Variants in PCDH10 observed in about 807,000 individuals in gnomAD.
PCDH10 encodes protocadherin 10.
In PCDH10, 15 loss-of-function variants were observed where a neutral mutation model predicts 74.4. That is an observed-to-expected ratio of 0.20 (90% CI 0.13 to 0.31). PCDH10 has a LOEUF of 0.31. Ranked by LOEUF, PCDH10 falls within the 10% of genes least tolerant of loss-of-function variation. The pLI is 1.00. For synonymous variants in PCDH10, 619 were observed against 589.8 expected, an observed-to-expected ratio of 1.05 and a Z score of -0.72; for missense variants, 1,260 against 1,390.2, an observed-to-expected ratio of 0.91 and a Z score of 1.49.
At chr4:133,158,880 A>T (rs1335250751) in intron 3 of PCDH10, among the ~76,000 whole-genome samples, 3 of 152,106 alleles carry the variant, frequency 2.0e-5, no homozygotes, top group African/African-American at 7.2e-5. Context: ...AAGATGAAAT[A>T]TTGAGAGGAA....
rs1727665227 is a variant in PCDH10 at position 133,191,377 on chromosome 4, A to T, written c.*1217A>T. On this transcript the variant is annotated 3_prime_UTR_variant, in exon 5 of 5. Transcript: ENST00000264360. ...AACTGGTAAAGAATAACTATAAAAT[A>T]TGAAAGCTCTAAATTTAAAATAAAT... is the stretch of plus-strand genomic sequence containing the variant. The T allele has an allele frequency of 6.6e-6, 1 of 152,294 alleles. No individual in the cohort carries two copies. The highest frequency in any genetic ancestry group is 1.5e-5 in the Non-Finnish European group (1 of 67,824). The allele number at this position is 152,294 out of a possible 1,614,324, so 9.4% of individuals were successfully genotyped here.
intron 4 of PCDH10, among the ~76,000 whole-genome samples, chr4:133,169,129 A>T (rs1277316335): frequency 6.6e-6 from 1 of 151,672 alleles, no homozygotes; most frequent in African/African-American, 2.4e-5. Context: ...ATTACACCCC[A>T]TTCTTCCCCA....
At chr4:133,194,923 T>C (rs1727764234), downstream of PCDH10, among the ~76,000 whole-genome samples, 1 of 151,896 alleles carries the variant, frequency 6.6e-6, no homozygotes, top group Non-Finnish European at 1.5e-5. Context: ...CTTTTTAACT[T>C]TTTTTTGATG....
At chr4:133,190,062 T>C (rs1180323083) in intron 4 of PCDH10, 79 bp from the exon 5 acceptor site, 8 of 1,236,460 alleles carry the variant, frequency 6.5e-6, no homozygotes, top group African/African-American at 1.5e-5. Flanking sequence ...ACTGTATTCT[T>C]TCTTTTACAA....
Position 133,151,868 on chromosome 4 carries a change from G to T in PCDH10, c.1728G>T (p.Ala576=), listed in dbSNP as rs376228322. 5.6e-6 allele frequency: 9 copies of T among 1,613,056 alleles called. No individual in the cohort carries two copies. The highest frequency in any genetic ancestry group is 5.3e-5 in the African/African-American group (4 of 75,074). ...ATGACAACGCCCCTGCCATCGTGGCGCCTCTACCAGGGCGCAACGGGACTC... is the reference window on the plus strand; with the variant it reads ...ATGACAACGCCCCTGCCATCGTGGCTCCTCTACCAGGGCGCAACGGGACTC... ...DQNDNAPAIV[A]PLPGRNGTPA... Residue 576 remains alanine, a synonymous_variant, in exon 1 of 5, where the codon GCG becomes GCT. Coordinates refer to ENST00000264360, the MANE Select transcript of PCDH10 (RefSeq NM_032961.3).
chr4:133,156,128 A>G (rs1244752106), intron 3 of PCDH10, among the ~76,000 whole-genome samples: 2 of 152,118 alleles, frequency 1.3e-5, no homozygotes, highest in East Asian at 1.9e-4. Context: ...AGTCCTCGAG[A>G]GCACCCATTC....
intron 4 of PCDH10, among the ~76,000 whole-genome samples, chr4:133,171,839 G>C (rs544585137): frequency 6.6e-6 from 1 of 151,990 alleles, no homozygotes; most frequent in South Asian, 2.1e-4. Flanking sequence ...TGCCTTGTTA[G>C]TCACTAGTAG....
Position 133,152,954 on chromosome 4 carries a change from C to T in PCDH10, c.2631+183C>T, listed in dbSNP as rs1042475983. 9.0e-6 allele frequency: 13 copies of T among 1,451,476 alleles called. No homozygotes were observed. In the African/African-American group the frequency reaches 1.7e-4, roughly 19 times the overall value. 89.9% of individuals were successfully genotyped at this position (1,451,476 alleles called of 1,614,324 possible). A position where few individuals can be genotyped will look rare whatever the true frequency, so the allele number is the denominator to read the frequency against. On this transcript the variant is annotated intron_variant, in intron 1 of 4. Transcript: ENST00000264360. Reference sequence around the variant, plus strand: ...TCCTTCGTGTGTAACCTAACTTTCGCGTTGTTCCACCCTTTCACATTTATT... The same window carrying T: ...TCCTTCGTGTGTAACCTAACTTTCGTGTTGTTCCACCCTTTCACATTTATT...
intron 2 of PCDH10, among the ~76,000 whole-genome samples, chr4:133,202,370 G>A (rs1357978695): frequency 6.6e-6 from 1 of 152,128 alleles, no homozygotes; most frequent in Non-Finnish European, 1.5e-5. Context: ...CTAGCGGCTC[G>A]AGGTCTTGAG....
At chr4:133,178,196 A>T (rs1419425721) in intron 4 of PCDH10, among the ~76,000 whole-genome samples, 1 of 152,068 alleles carries the variant, frequency 6.6e-6, no homozygotes, top group Non-Finnish European at 1.5e-5. Flanking sequence ...TTATAGAGAC[A>T]GCACAAAAAG....
In PCDH10 at chr4:133,152,400, A is replaced by G; in HGVS notation, c.2260A>G (p.Ser754Gly). 6.2e-7 allele frequency: 1 copy of G among 1,614,198 alleles called. No individual in the cohort carries two copies. The highest frequency in any genetic ancestry group is 1.1e-5 in the South Asian group (1 of 91,078). The change falls in exon 1 of 5, where the codon AGC becomes GGC. Residue 754 changes from serine to glycine, a missense_variant. By Grantham distance (56) the Ser-to-Gly change is moderately conservative (BLOSUM62 0). Around this residue, in one of 11 missense-constraint regions of PCDH10, gnomAD observed 587 missense variants for 616.9 expected, o/e 0.95. Coordinates refer to ENST00000264360, the MANE Select transcript of PCDH10 (RefSeq NM_032961.3). ...KKLNIYTCLA[S>G]DCCLCCCCCG... ...GCTCAACATCTATACTTGTCTGGCC[A>G]GCGATTGCTGCCTCTGCTGCTGCTG...
chr4:133,184,264 T>A (rs1224214799), intron 4 of PCDH10, among the ~76,000 whole-genome samples: 1 of 152,128 alleles, frequency 6.6e-6, no homozygotes, highest in Non-Finnish European at 1.5e-5. Flanking sequence ...TAAAGAATTC[T>A]GTCTGATGAA....
intron 4 of PCDH10, among the ~76,000 whole-genome samples, chr4:133,186,350 T>A (rs2125872363): frequency 6.6e-6 from 1 of 152,278 alleles, no homozygotes. Context: ...CTATTACTTC[T>A]GATTTCATTT....
intron 4 of PCDH10, among the ~76,000 whole-genome samples, chr4:133,184,773 A>AATATATATATATAAATATATATATTTAT (rs34332814): frequency 7.3e-6 from 1 of 136,866 alleles, no homozygotes; most frequent in East Asian, 2.0e-4. Context: ...TAAATATATA[A>AATATATATATATAAATATATATATTTAT]ATATATATAT....
chr4:133,178,394 G>A (rs1161263905), intron 4 of PCDH10, among the ~76,000 whole-genome samples: 2 of 151,900 alleles, frequency 1.3e-5, no homozygotes, highest in East Asian at 2.0e-4. Flanking sequence ...GCACCACCAC[G>A]ACCGGCTAAT....
At position 133,163,136 on chromosome 4, in the gene PCDH10, T is replaced by C. The variant is rs752245361; in HGVS notation, c.2957T>C (p.Val986Ala). Residue 986 changes from valine (V) to alanine (A), a missense_variant, in exon 4 of 5, where the codon GTG becomes GCG. Val to Ala is a moderately conservative substitution (Grantham distance 64). Transcript: ENST00000264360. The part of the protein sequence containing the change: ...PGMDSVPDTE[V>A]FETPEAQPGA... ...ATGGACTCTGTTCCAGACACTGAGG[T>C]GTTTGAAACTCCAGAAGCCCAGCCT... 6 of 1,614,072 alleles carry C rather than the reference T, an allele frequency of 3.7e-6. No homozygotes were observed. In the East Asian group the frequency reaches 6.7e-5, roughly 18 times the overall value.
chr4:133,186,055 T>A (rs1171382357), intron 4 of PCDH10, among the ~76,000 whole-genome samples: 2 of 152,086 alleles, frequency 1.3e-5, no homozygotes, highest in Non-Finnish European at 2.9e-5. Context: ...TTTAATTTGT[T>A]TAAGTATTTA....
At position 133,190,355 on chromosome 4, in the gene PCDH10, G is replaced by T; in HGVS notation, c.*195G>T. ...AGGCCTGAGAAATGAGTTGAAATGT[G>T]CAGAACTGTAGAAACTTTAGAGGCA... On this transcript the variant is annotated 3_prime_UTR_variant, in exon 5 of 5. Transcript: ENST00000264360. 1 of 616,590 alleles carries T rather than the reference G, an allele frequency of 1.6e-6. No individual in the cohort carries two copies. The highest frequency in any genetic ancestry group is 2.1e-5 in the South Asian group (1 of 48,352). 38.2% of individuals were successfully genotyped at this position (616,590 alleles called of 1,614,324 possible). A position where few individuals can be genotyped will look rare whatever the true frequency, so the allele number is the denominator to read the frequency against.
In PCDH10 at chr4:133,154,909, A is replaced by T; in HGVS notation, c.2691-8A>T. 6.4e-7 allele frequency: 1 copy of T among 1,559,090 alleles called. No homozygotes were observed. On this transcript the variant is annotated splice_polypyrimidine_tract_variant and splice_region_variant and intron_variant, in intron 2 of 4. Coordinates refer to ENST00000264360, the MANE Select transcript of PCDH10 (RefSeq NM_032961.3). ...TTTATTCTAATATTCACATTTTTGT[A>T]CTTCTAGTTCTGCATTCCAGGAAGC...
Sources: gnomAD v4.1 joint callset for allele counts (sites outside exome capture counted in the v4.1 genomes callset) on GRCh38, gnomAD v4.1.1 for gene constraint, gnomAD v4.1.1 regional missense constraint, MANE v1.5 for transcripts, NCBI Gene and HGNC (gene_info 2026-07-23, HGNC 2026-07-21) for gene names.